EXT2: variants seen among roughly 807,000 people sequenced by gnomAD.
The protein encoded by EXT2 is exostosin glycosyltransferase 2, also known as exostosin-2.
EXT2 carries 53 observed loss-of-function variants against 81.6 expected under a neutral mutation model. The ratio of observed to expected loss-of-function variants is 0.65; its 90% CI spans 0.52 to 0.82. The LOEUF (loss-of-function observed/expected upper bound fraction) is 0.82. Among genes scored for constraint, EXT2 ranks in the 40% least tolerant of loss-of-function variants. The pLI is 0.00. For synonymous variants in EXT2, 320 were observed against 340.0 expected (o/e 0.94, Z 0.65); for missense variants, 774 against 910.2 (o/e 0.85, Z 1.93).
chr11:44,149,104 G>A (rs150762533), intron 7 of EXT2, among the ~76,000 whole-genome samples: 30 of 152,294 alleles, frequency 2.0e-4, no homozygotes, highest in African/African-American at 7.0e-4. Context: ...GCTCAGGCCT[G>A]TAATCCCAGC....
chr11:44,128,509 T>C (rs1954442087), intron 6 of EXT2, among the ~76,000 whole-genome samples: 1 of 152,090 alleles, frequency 6.6e-6, no homozygotes, highest in Non-Finnish European at 1.5e-5. Flanking sequence ...ACACTCATAG[T>C]GTAGTGGTGG....
At chr11:44,101,852 A>G (rs1565194129) in intron 1 of EXT2, among the ~76,000 whole-genome samples, 1 of 152,050 alleles carries the variant, frequency 6.6e-6, no homozygotes, top group Admixed American at 6.6e-5. Flanking sequence ...TGGACTCACA[A>G]CTGGGGAATC....
intron 9 of EXT2, among the ~76,000 whole-genome samples, chr11:44,202,256 GT>G (rs1955530527): frequency 6.6e-6 from 1 of 152,184 alleles, no homozygotes; most frequent in Non-Finnish European, 1.5e-5. Flanking sequence ...ATGGTCTCAA[GT>G]AATTCTTTGG....
intron 4 of EXT2, among the ~76,000 whole-genome samples, chr11:44,120,428 G>A (rs1237301662): frequency 6.6e-6 from 1 of 152,154 alleles, no homozygotes; most frequent in East Asian, 1.9e-4. Flanking sequence ...CCATTTCGGT[G>A]CCAGCTTGCA....
intron 13 of EXT2, among the ~76,000 whole-genome samples, chr11:44,243,796 T>C (rs1956065223): frequency 6.6e-6 from 1 of 151,992 alleles, no homozygotes; most frequent in Non-Finnish European, 1.5e-5. Context: ...TAATCCACCT[T>C]GGTTTGAGGC....
intron 7 of EXT2, among the ~76,000 whole-genome samples, chr11:44,152,587 G>A (rs988652644): frequency 2.0e-4 from 30 of 152,132 alleles, no homozygotes; most frequent in Non-Finnish European, 2.9e-5. Context: ...CTGACCTCAG[G>A]TGATCTGCCC....
intron 8 of EXT2, among the ~76,000 whole-genome samples, chr11:44,181,635 G>A (rs143072808): frequency 3.9e-4 from 59 of 152,072 alleles, no homozygotes; most frequent in African/African-American, 1.3e-3. Context: ...TTTAAAATCT[G>A]AGAGTTTTTT....
intron 10 of EXT2, among the ~76,000 whole-genome samples, chr11:44,230,223 G>A (rs963565235): frequency 2.0e-5 from 3 of 152,156 alleles, no homozygotes; most frequent in Non-Finnish European, 4.4e-5. Flanking sequence ...CAAGTGCAGA[G>A]GGCTTGAGGT....
chr11:44,193,887 C>T (rs1955424122), intron 8 of EXT2, among the ~76,000 whole-genome samples: 1 of 152,206 alleles, frequency 6.6e-6, no homozygotes, highest in African/African-American at 2.4e-5. Flanking sequence ...TTACTGTCCA[C>T]TTCCCAGCCA....
intron 10 of EXT2, among the ~76,000 whole-genome samples, chr11:44,219,593 A>G (rs1955760595): frequency 6.6e-6 from 1 of 152,130 alleles, no homozygotes; most frequent in South Asian, 2.1e-4. Flanking sequence ...TTAACTGCTT[A>G]CCTCCCTAGA....
At chr11:44,135,541 G>A (rs1488608400) in intron 7 of EXT2, among the ~76,000 whole-genome samples, 2 of 151,986 alleles carry the variant, frequency 1.3e-5, no homozygotes, top group Non-Finnish European at 2.9e-5. Flanking sequence ...ATAGGCATAC[G>A]CCACCACACC....
intron 7 of EXT2, among the ~76,000 whole-genome samples, chr11:44,140,426 T>C (rs1247112085): frequency 1.3e-5 from 2 of 152,200 alleles, no homozygotes; most frequent in Admixed American, 1.3e-4. Context: ...CTTGGCCCTT[T>C]TTACCCTCTC....
In EXT2 at chr11:44,251,304, A is replaced by G. The variant is rs770922462; in HGVS notation, c.*7017A>G. Among the ~76,000 whole-genome samples the G allele has an allele frequency of 6.6e-6, 1 of 152,110 alleles. No individual in the cohort carries two copies. The highest frequency in any genetic ancestry group is 2.4e-5 in the African/African-American group (1 of 41,418). On this transcript the variant is annotated 3_prime_UTR_variant, in exon 14 of 14. Coordinates refer to ENST00000533608, the MANE Select transcript of EXT2 (RefSeq NM_207122.2). ...TTGATGCTCTTTCAACTCTCATGTC[A>G]TCTATACCATCTCAGTGGAGAGGAT...
chr11:44,215,945 C>T (rs923045349), intron 10 of EXT2, among the ~76,000 whole-genome samples: 4 of 150,222 alleles, frequency 2.7e-5, no homozygotes, highest in Admixed American at 1.3e-4. Context: ...GGCGCAATCT[C>T]GGCTCACTGC....
intron 6 of EXT2, among the ~76,000 whole-genome samples, chr11:44,129,288 C>T (rs1379925623): frequency 1.3e-5 from 2 of 152,254 alleles, no homozygotes; most frequent in South Asian, 2.1e-4. Context: ...CCAAAACCCT[C>T]TCATGGCTTG....
In EXT2 at chr11:44,241,687, A is replaced by G. The variant is rs75164317; in HGVS notation, c.2019-2462A>G. On this transcript the variant is annotated intron_variant, in intron 13 of 13. Transcript: ENST00000533608. Reference sequence around the variant, plus strand: ...CAGACACCTTCATCACTTCAGAGAGAGTCACTGGCAGTTCTTGGTGTGTTT... The same window carrying G: ...CAGACACCTTCATCACTTCAGAGAGGGTCACTGGCAGTTCTTGGTGTGTTT... 9.6e-3 allele frequency among the ~76,000 whole-genome samples: 1,463 copies of G among 152,296 alleles called. 113 individuals carry two copies. The East Asian group carries it at 0.2, about 20-fold the overall frequency.
At chr11:44,230,941 T>A (rs1437012954) in intron 10 of EXT2, among the ~76,000 whole-genome samples, 1 of 152,196 alleles carries the variant, frequency 6.6e-6, no homozygotes, top group East Asian at 1.9e-4. Flanking sequence ...AAGCCTCTAG[T>A]TGCTCTGGCA....
chr11:44,125,273 A>T (rs959871283), intron 5 of EXT2, among the ~76,000 whole-genome samples: 2 of 152,224 alleles, frequency 1.3e-5, no homozygotes, highest in South Asian at 4.1e-4. Context: ...CACATGGACA[A>T]AGCAGGCAAA....
chr11:44,185,090 C>T (rs1265775549), intron 8 of EXT2, among the ~76,000 whole-genome samples: 1 of 152,142 alleles, frequency 6.6e-6, no homozygotes, highest in Non-Finnish European at 1.5e-5. Flanking sequence ...CTTTTTCTGG[C>T]CCACTCTTTC....
Sources: gnomAD v4.1 joint callset for allele counts (sites outside exome capture counted in the v4.1 genomes callset) on GRCh38, gnomAD v4.1.1 for gene constraint, MANE v1.5 for transcripts, NCBI Gene and HGNC (gene_info 2026-07-23, HGNC 2026-07-21) for gene names.